The following BBS5 variants were observed in gnomAD, a reference collection of about 807,000 sequenced individuals.
BBS5 encodes the protein BBSome complex member BBS5.
In BBS5, 39 loss-of-function variants were observed where a neutral mutation model predicts 50.2. That is an observed-to-expected ratio of 0.78 (90% CI 0.60 to 1.01). BBS5 has a LOEUF of 1.01. BBS5 is among the 50% of genes least tolerant of loss of function. The pLI, the probability that BBS5 is intolerant of heterozygous loss-of-function variation, is 0.00. For missense variants in BBS5, 356 were observed against 401.5 expected (o/e 0.89, Z 0.97); for synonymous variants, 134 against 133.1 (o/e 1.01, Z -0.05).
intron 7 of BBS5, among the ~76,000 whole-genome samples, chr2:169,497,374 T>C (rs2105300222): frequency 6.6e-6 from 1 of 152,322 alleles, no homozygotes; most frequent in Non-Finnish European, 1.5e-5. Flanking sequence ...TGAGAAATAT[T>C]TGAGTCCGGG....
At chr2:169,484,320 C>G (rs1683455059) in intron 2 of BBS5, among the ~76,000 whole-genome samples, 1 of 152,102 alleles carries the variant, frequency 6.6e-6, no homozygotes, top group Non-Finnish European at 1.5e-5. Context: ...AAGGTTGAGG[C>G]TTCAGTAAGC....
intron 9 of BBS5, among the ~76,000 whole-genome samples, chr2:169,500,389 GTCAC>G (rs990144641): frequency 3.3e-5 from 5 of 152,188 alleles, no homozygotes; most frequent in Admixed American, 2.0e-4. Flanking sequence ...CACTGGGACA[GTCAC>G]TCACCATTCT....
chr2:169,484,374 C>A (rs1269992398), intron 2 of BBS5, among the ~76,000 whole-genome samples: 2 of 152,068 alleles, frequency 1.3e-5, no homozygotes, highest in Non-Finnish European at 2.9e-5. Context: ...CAGTGCAAGA[C>A]CCTGTCTCAA....
rs992160516 is a variant in BBS5, at chr2:169,503,111, C to A, written c.833C>A (p.Ala278Asp). The A allele has an allele frequency of 2.5e-6, 4 of 1,613,670 alleles. No homozygotes were observed. In the African/African-American group the frequency reaches 5.3e-5, roughly 22 times the overall value. The change falls in exon 10 of 12, where the codon GCT becomes GAT. Residue 278 changes from alanine to aspartate, a missense_variant. Physicochemically the swap from Ala to Asp is moderately radical, Grantham distance 126 (BLOSUM62 -2). Coordinates refer to ENST00000295240, the MANE Select transcript of BBS5 (RefSeq NM_152384.3). ...EMEEKPQPLE[A>D]LTVEQIQDDV... ...GATTTTCAGCCCCAGCCGCTCGAAG[C>A]TCTGACAGTCGAACAAATTCAAGAT...
chr2:169,487,889 T>C (rs1245598587), intron 4 of BBS5, 34 bp downstream of exon 4: 1 of 1,575,036 alleles, frequency 6.3e-7, no homozygotes, highest in Non-Finnish European at 8.7e-7. Flanking sequence ...AATATATATA[T>C]AGTAAAGAAA....
chr2:169,505,027 C>T lies in BBS5; in HGVS notation c.*445C>T, dbSNP rs1559126995. 4.4e-6 allele frequency: 7 copies of T among 1,578,256 alleles called. No individual in the cohort carries two copies. The highest frequency in any genetic ancestry group is 2.2e-5 in the South Asian group (2 of 90,460). On this transcript the variant is annotated 3_prime_UTR_variant, in exon 12 of 12. Coordinates refer to ENST00000295240, the MANE Select transcript of BBS5 (RefSeq NM_152384.3). ...TGGCCGAAGCTGGACTGTACTGCTG[C>T]CATCTCTGGCTCACTGCAACCTCCC...
intron 9 of BBS5, 53 bp from the exon 10 acceptor site, chr2:169,503,042 C>A: frequency 7.6e-7 from 1 of 1,309,076 alleles, no homozygotes; most frequent in Non-Finnish European, 1.1e-6. Context: ...TTGCAGTTCT[C>A]ATGGTACATT....
chr2:169,502,573 G>A (rs1683829958), intron 9 of BBS5, among the ~76,000 whole-genome samples: 1 of 152,080 alleles, frequency 6.6e-6, no homozygotes, highest in Non-Finnish European at 1.5e-5. Flanking sequence ...AGTAAGGGTA[G>A]GATTTTATAA....
At chr2:169,493,124 GC>G (rs1683631040) in intron 6 of BBS5, 115 bp downstream of exon 6, 1 of 1,269,674 alleles carries the variant, frequency 7.9e-7, no homozygotes. Flanking sequence ...TTATAGGAAA[GC>G]GTATTACTTT....
chr2:169,479,830 C>T (rs1187073345), intron 1 of BBS5, among the ~76,000 whole-genome samples: 2 of 152,208 alleles, frequency 1.3e-5, no homozygotes, highest in African/African-American at 4.8e-5. Context: ...CGGCATTACA[C>T]AGTTTTGGTC....
At chr2:169,496,483 C>G (rs975380944) in intron 7 of BBS5, among the ~76,000 whole-genome samples, 1 of 152,170 alleles carries the variant, frequency 6.6e-6, no homozygotes, top group Non-Finnish European at 1.5e-5. Flanking sequence ...CGCCTGTAAT[C>G]CCAGCACTTT....
At chr2:169,494,147 G>C (rs1293580863) in intron 7 of BBS5, among the ~76,000 whole-genome samples, 2 of 152,144 alleles carry the variant, frequency 1.3e-5, no homozygotes, top group Non-Finnish European at 2.9e-5. Context: ...GAGGGCTTTA[G>C]CTATTAAAGT....
At position 169,493,835 on chromosome 2, in the gene BBS5, T is replaced by C; in HGVS notation, c.617T>C (p.Ile206Thr). 1 of 1,564,540 alleles carries C rather than the reference T, an allele frequency of 6.4e-7. No individual in the cohort carries two copies. The highest frequency in any genetic ancestry group is 8.8e-7 in the Non-Finnish European group (1 of 1,135,288). ...AATGTCAGTATACCATATCTGCAAA[T>C]TGTAAGTACATACATTTTGATGACC... ...SFNVSIPYLQIRSIKIRDSKF... is the reference protein window; with the variant it reads ...SFNVSIPYLQTRSIKIRDSKF... Residue 206 changes from isoleucine (I) to threonine (T), a missense_variant and splice_region_variant, in exon 7 of 12, where the codon ATT (isoleucine) becomes ACT (threonine). Ile to Thr is a moderately conservative substitution (Grantham distance 89, BLOSUM62 -1). Coordinates refer to ENST00000295240, the MANE Select transcript of BBS5 (RefSeq NM_152384.3).
intron 6 of BBS5, 83 bp from the exon 7 acceptor site, chr2:169,493,658 A>G: frequency 3.1e-6 from 3 of 961,292 alleles, no homozygotes. Flanking sequence ...TTGCTGCTGT[A>G]ATAAGTTATT....
Position 169,486,017 on chromosome 2 carries a change from A to T in BBS5, c.143-1052A>T, listed in dbSNP as rs77964870. Among the ~76,000 whole-genome samples, 112 of 152,336 alleles carry T rather than the reference A, an allele frequency of 7.4e-4. No homozygotes were observed. The East Asian group carries it at 0.014, about 19-fold the overall frequency. On this transcript the variant is annotated intron_variant, in intron 2 of 11. Coordinates refer to ENST00000295240, the MANE Select transcript of BBS5 (RefSeq NM_152384.3). ...CCAATGACTGAAGGATGCTATACCT[A>T]GTCTTCTATGATCTTGTGTGAACTT...
chr2:169,491,934 C>T (rs1056702107), intron 5 of BBS5, among the ~76,000 whole-genome samples: 10 of 152,046 alleles, frequency 6.6e-5, no homozygotes, highest in Non-Finnish European at 1.3e-4. Context: ...GTAGATGAGA[C>T]TACAAGTGCA....
chr2:169,493,698 CA>C (rs778388955), intron 6 of BBS5, 42 bp from the exon 7 acceptor site: 5 of 1,359,058 alleles, frequency 3.7e-6, no homozygotes, highest in South Asian at 1.2e-5. Flanking sequence ...GAATAGGTAC[CA>C]AAAAAATGAT....
chr2:169,488,540 A>C (rs1301671512), intron 5 of BBS5, among the ~76,000 whole-genome samples: 1 of 152,064 alleles, frequency 6.6e-6, no homozygotes, highest in Non-Finnish European at 1.5e-5. Flanking sequence ...TTGCTTGCTC[A>C]CTCACCCCCC....
chr2:169,482,974 A>G (rs1432520007), intron 2 of BBS5, among the ~76,000 whole-genome samples: 2 of 152,112 alleles, frequency 1.3e-5, no homozygotes, highest in African/African-American at 4.8e-5. Flanking sequence ...TGAAAGCATC[A>G]TTACTTCCAA....
Sources: allele counts gnomAD v4.1 joint callset (sites outside exome capture counted in the v4.1 genomes callset), GRCh38; gene constraint gnomAD v4.1.1; transcripts MANE v1.5; gene names NCBI Gene and HGNC (gene_info 2026-07-23, HGNC 2026-07-21).